The following MARCHF1 variants were observed in gnomAD, a reference collection of about 807,000 sequenced individuals.
MARCHF1 encodes the protein E3 ubiquitin-protein ligase MARCHF1.
In MARCHF1, 40 loss-of-function variants were observed where a neutral mutation model predicts 54.2. The observed-to-expected ratio is 0.74, with a 90% CI of 0.57 to 0.96. The LOEUF is 0.96. Among genes scored for constraint, MARCHF1 ranks in the 40% least tolerant of loss-of-function variants. The probability of loss-of-function intolerance (pLI) is 0.00; values close to 1 mark genes in which losing one functional copy is unlikely to be tolerated. For synonymous variants in MARCHF1, 236 were observed against 236.3 expected (o/e 1.00, Z 0.01); for missense variants, 586 against 656.5 (o/e 0.89, Z 1.17).
At position 164,232,298 on chromosome 4, in the gene MARCHF1, C is replaced by T. The variant is rs143172388; in HGVS notation, c.-322-120636G>A. On this transcript the variant is annotated intron_variant, in intron 1 of 9. Transcript: ENST00000514618. The stretch of plus-strand genomic sequence containing the variant: ...CCCATTACTAGAAAACACTGCAAAT[C>T]CCTCACAATGAATAAATATTATTCC... Among the ~76,000 whole-genome samples, 304 of 152,228 alleles carry T rather than the reference C, an allele frequency of 2.0e-3. 1 individual carries two copies. Among genetic ancestry groups the T allele is most frequent in the Non-Finnish European group, 3.4e-3 (228 of 67,998 alleles).
chr4:164,108,128 A>C (rs77044648), intron 2 of MARCHF1, among the ~76,000 whole-genome samples: 31,494 of 152,060 alleles, frequency 0.21, 4,209 homozygotes, highest in Non-Finnish European at 0.3. Context: ...ACTATCTCTG[A>C]ACAAAGTATA....
chr4:164,237,414 T>G (rs1732594212), intron 1 of MARCHF1, among the ~76,000 whole-genome samples: 2 of 152,088 alleles, frequency 1.3e-5, no homozygotes, highest in African/African-American at 4.8e-5. Context: ...GCTGCTTCTT[T>G]CTCTCTGCTA....
rs187191654 is a variant in MARCHF1 at position 163,847,406 on chromosome 4, A to G, written c.111+6615T>C. ...CTTGCAAAACATGTATTATCAGTAA[A>G]TTTGTTTTATTTCTAGAGATTGTTT... is the stretch of plus-strand genomic sequence containing the variant. On this transcript the variant is annotated intron_variant, in intron 4 of 9. Coordinates refer to ENST00000514618, the MANE Select transcript of MARCHF1 (RefSeq NM_001394959.1). 3.6e-4 allele frequency among the ~76,000 whole-genome samples: 55 copies of G among 152,126 alleles called. No individual in the cohort carries two copies. The East Asian group carries it at 9.3e-3, about 26-fold the overall frequency.
chr4:164,095,966 G>A (rs961805138), intron 2 of MARCHF1, among the ~76,000 whole-genome samples: 5 of 152,126 alleles, frequency 3.3e-5, no homozygotes, highest in African/African-American at 1.2e-4. Context: ...CAGTGCTGCT[G>A]GGAAAGTGGC....
chr4:164,007,644 CTCTGTGTGTGTGTGTGTGTGTG>C (rs1753324798), intron 2 of MARCHF1, among the ~76,000 whole-genome samples: 1 of 101,582 alleles, frequency 9.8e-6, no homozygotes, highest in African/African-American at 3.9e-5. Context: ...CTCTCTCTCT[CTCTGTGTGTGTGTGTGTGTGTG>C]TGTGTGTGTG....
chr4:164,285,527 C>T (rs1734122145), intron 1 of MARCHF1, among the ~76,000 whole-genome samples: 1 of 151,990 alleles, frequency 6.6e-6, no homozygotes, highest in Non-Finnish European at 1.5e-5. Context: ...ACGGCAAGCT[C>T]CGCCTCCCGA....
chr4:164,144,445 A>C (rs1353648801), intron 1 of MARCHF1, among the ~76,000 whole-genome samples: 1 of 151,430 alleles, frequency 6.6e-6, no homozygotes, highest in African/African-American at 2.4e-5. Context: ...AGCAAATGTA[A>C]AAGAACAGAA....
chr4:163,992,260 T>C (rs1188059089), intron 2 of MARCHF1, among the ~76,000 whole-genome samples: 1 of 152,064 alleles, frequency 6.6e-6, no homozygotes, highest in Admixed American at 6.6e-5. Flanking sequence ...ATGCTAGGAA[T>C]TAATGGGCAG....
At chr4:164,243,738 C>G (rs1327681292) in intron 1 of MARCHF1, among the ~76,000 whole-genome samples, 11 of 152,130 alleles carry the variant, frequency 7.2e-5, no homozygotes, top group Admixed American at 4.6e-4. Context: ...ACATACATAG[C>G]CTCAAAATAA....
chr4:164,288,093 G>C (rs193138080), intron 1 of MARCHF1, among the ~76,000 whole-genome samples: 59 of 152,176 alleles, frequency 3.9e-4, no homozygotes, highest in Non-Finnish European at 4.1e-4. Context: ...GTTACAGGCA[G>C]ATTACATCCA....
intron 5 of MARCHF1, among the ~76,000 whole-genome samples, chr4:163,680,072 T>G (rs964602868): frequency 2.0e-5 from 3 of 151,944 alleles, no homozygotes; most frequent in African/African-American, 7.2e-5. Context: ...TTTAAATTTT[T>G]TAATGTTCCT....
intron 2 of MARCHF1, among the ~76,000 whole-genome samples, chr4:164,026,208 G>A (rs2110979808): frequency 6.6e-6 from 1 of 152,194 alleles, no homozygotes; most frequent in Non-Finnish European, 1.5e-5. Context: ...AAACTGAGAA[G>A]TAGGGGCTAC....
chr4:163,713,623 T>C (rs1334358221), intron 4 of MARCHF1, among the ~76,000 whole-genome samples: 9 of 152,206 alleles, frequency 5.9e-5, no homozygotes, highest in African/African-American at 9.6e-5. Context: ...ATTAAAGGCA[T>C]AGCTGTTAGA....
chr4:164,367,364 T>C (rs1420548950), intron 1 of MARCHF1, among the ~76,000 whole-genome samples: 1 of 152,140 alleles, frequency 6.6e-6, no homozygotes, highest in Non-Finnish European at 1.5e-5. Context: ...TCTATTGCTT[T>C]ACTAATGTGT....
At chr4:163,734,006 A>G (rs1042007644) in intron 4 of MARCHF1, among the ~76,000 whole-genome samples, 1 of 152,194 alleles carries the variant, frequency 6.6e-6, no homozygotes, top group Non-Finnish European at 1.5e-5. Context: ...ATTTGAACAA[A>G]CTCATCACCA....
chr4:164,098,591 T>C (rs1456153775), intron 2 of MARCHF1, among the ~76,000 whole-genome samples: 1 of 152,232 alleles, frequency 6.6e-6, no homozygotes, highest in Non-Finnish European at 1.5e-5. Context: ...TCTGTGTGAT[T>C]TGTGTGTCAC....
chr4:164,027,312 A>C (rs911208058), intron 2 of MARCHF1, among the ~76,000 whole-genome samples: 5 of 147,120 alleles, frequency 3.4e-5, no homozygotes, highest in African/African-American at 1.0e-4. Flanking sequence ...AGCTGGAGGC[A>C]TCACAATACC....
chr4:163,747,364 A>G (rs1456948905), intron 4 of MARCHF1, among the ~76,000 whole-genome samples: 1 of 152,166 alleles, frequency 6.6e-6, no homozygotes, highest in Non-Finnish European at 1.5e-5. Flanking sequence ...TCTCTGATGG[A>G]ACTCCCGTTT....
intron 1 of MARCHF1, among the ~76,000 whole-genome samples, chr4:164,227,268 G>C (rs1732285228): frequency 6.6e-6 from 1 of 152,056 alleles, no homozygotes; most frequent in African/African-American, 2.4e-5. Context: ...GGAAATGCCA[G>C]ACATTTATAA....
Sources: allele counts gnomAD v4.1 joint callset (sites outside exome capture counted in the v4.1 genomes callset), GRCh38; gene constraint gnomAD v4.1.1; transcripts MANE v1.5; gene names NCBI Gene and HGNC (gene_info 2026-07-23, HGNC 2026-07-21).